Variants in AGBL1 observed in about 807,000 individuals in gnomAD.
AGBL1 encodes AGBL carboxypeptidase 1, also known as cytosolic carboxypeptidase 4.
A neutral mutation model predicts 118.9 loss-of-function variants in AGBL1; 130 were observed. The observed-to-expected ratio is 1.09, with a 90% CI of 0.95 to 1.26. The LOEUF is 1.26. AGBL1 is among the 50% of genes most tolerant of loss of function. AGBL1 has a pLI of 0.00. For missense variants in AGBL1, 1,584 were observed against 1,298.1 expected (o/e 1.22, Z -3.38); for synonymous variants, 555 against 478.9 (o/e 1.16, Z -2.08).
chr15:86,578,937 T>C (rs1281625634), intron 21 of AGBL1, among the ~76,000 whole-genome samples: 3 of 152,182 alleles, frequency 2.0e-5, no homozygotes, highest in Non-Finnish European at 4.4e-5. Context: ...TAGGCTAAAC[T>C]TAATTTAGCA....
intron 5 of AGBL1, among the ~76,000 whole-genome samples, chr15:86,224,519 C>A (rs957502004): frequency 6.6e-6 from 1 of 152,090 alleles, no homozygotes; most frequent in Admixed American, 6.6e-5. Flanking sequence ...CCCCCAAGCC[C>A]CACTCCTTCC....
At chr15:86,166,229 C>G (rs2077339668) in intron 5 of AGBL1, among the ~76,000 whole-genome samples, 1 of 152,148 alleles carries the variant, frequency 6.6e-6, no homozygotes, top group Non-Finnish European at 1.5e-5. Context: ...TGACAACATT[C>G]TATGTGCCTG....
At position 86,080,005 on chromosome 15, in the gene AGBL1, C is replaced by G. The variant is rs1895158436; in HGVS notation, c.33C>G (p.Val11=). The G allele has an allele frequency of 1.6e-6, 2 of 1,232,120 alleles. No individual in the cohort carries two copies. Among genetic ancestry groups the G allele is most frequent in the South Asian group, 4.1e-5 (1 of 24,320 alleles). The allele number at this position is 1,232,120 out of a possible 1,614,324, so 76.3% of individuals were successfully genotyped here. Residue 11 remains valine (V), a synonymous_variant, in exon 1 of 23, where the codon GTC becomes GTG. Coordinates refer to ENST00000614907, the MANE Select transcript of AGBL1 (RefSeq NM_001386094.1). MAEQEASGLQ[V]LLHTLQSSSD... is the part of the protein sequence containing the mutation. Reference sequence around the variant, plus strand: ...AACAAGAAGCTAGTGGGCTACAGGTCCTGCTGCACACGCTTCAGGTAGGAA... The same window carrying G: ...AACAAGAAGCTAGTGGGCTACAGGTGCTGCTGCACACGCTTCAGGTAGGAA...
At chr15:86,725,141 T>C (rs12595272) in intron 22 of AGBL1, among the ~76,000 whole-genome samples, 65,678 of 152,036 alleles carry the variant, frequency 0.43, 14,338 homozygotes, top group Non-Finnish European at 0.45. Context: ...GTTGAATAAA[T>C]GAATAAATAA....
At chr15:86,459,902 T>A (rs1296653916) in intron 18 of AGBL1, among the ~76,000 whole-genome samples, 1 of 152,138 alleles carries the variant, frequency 6.6e-6, no homozygotes, top group East Asian at 1.9e-4. Flanking sequence ...ATAGCTACAG[T>A]GACCAGTGAT....
intron 22 of AGBL1, among the ~76,000 whole-genome samples, chr15:86,756,174 T>C (rs1304403654): frequency 6.7e-6 from 1 of 149,676 alleles, no homozygotes; most frequent in Non-Finnish European, 1.5e-5. Flanking sequence ...CAAACAAATA[T>C]CTTGAAATAT....
At chr15:86,902,539 TTTA>T (rs1453593917) in intron 22 of AGBL1, among the ~76,000 whole-genome samples, 3 of 152,126 alleles carry the variant, frequency 2.0e-5, no homozygotes, top group African/African-American at 7.2e-5. Context: ...AAAATTTCTT[TTTA>T]TTATTTATGT....
At chr15:86,983,069 G>C (rs748385109) in intron 23 of AGBL1, among the ~76,000 whole-genome samples, 1 of 151,188 alleles carries the variant, frequency 6.6e-6, no homozygotes, top group Non-Finnish European at 1.5e-5. Context: ...TTTTTGTTTT[G>C]TTTTTGTTTT....
chr15:86,487,875 C>T (rs1011677338), intron 18 of AGBL1, among the ~76,000 whole-genome samples: 7 of 152,096 alleles, frequency 4.6e-5, no homozygotes, highest in Admixed American at 6.6e-5. Flanking sequence ...AATGGAACAT[C>T]GCTGAGAGAA....
chr15:86,614,621 C>T lies in AGBL1; in HGVS notation c.2995-59652C>T, dbSNP rs7167228. Among the ~76,000 whole-genome samples the T allele has an allele frequency of 6.8e-3, 1,032 of 152,288 alleles. 16 individuals carry two copies. The highest frequency in any genetic ancestry group is 0.023 in the African/African-American group (953 of 41,562). On this transcript the variant is annotated intron_variant, in intron 21 of 22. Transcript: ENST00000614907. ...CATGGCCAGTTTGAAGCTACTGTTA[C>T]TACATCACTGAATGTGATGTTAGGA...
At chr15:86,882,285 G>A (rs2063741713) in intron 22 of AGBL1, among the ~76,000 whole-genome samples, 1 of 152,182 alleles carries the variant, frequency 6.6e-6, no homozygotes, top group African/African-American at 2.4e-5. Context: ...TCCCATCGAT[G>A]TCATTTGCTG....
At chr15:86,998,338 G>C (rs1021706459) in intron 24 of AGBL1, among the ~76,000 whole-genome samples, 2 of 152,126 alleles carry the variant, frequency 1.3e-5, no homozygotes, top group African/African-American at 4.8e-5. Context: ...AGAGACTCAA[G>C]GGACAAGAAA....
chr15:86,312,017 C>G (rs1258061761), intron 17 of AGBL1: 1 of 152,202 alleles, frequency 6.6e-6, no homozygotes, highest in Non-Finnish European at 1.5e-5. Flanking sequence ...TGAATCCTAG[C>G]TATTTTTTCA....
At chr15:86,791,491 G>A (rs1367264460) in intron 22 of AGBL1, among the ~76,000 whole-genome samples, 1 of 152,130 alleles carries the variant, frequency 6.6e-6, no homozygotes, top group South Asian at 2.1e-4. Flanking sequence ...GGCCACAATG[G>A]CCTCAGTCTT....
intron 22 of AGBL1, among the ~76,000 whole-genome samples, chr15:86,893,452 G>C (rs1181172995): frequency 6.6e-6 from 1 of 152,122 alleles, no homozygotes; most frequent in Non-Finnish European, 1.5e-5. Flanking sequence ...TTCACTATAG[G>C]AAGCTGTCTT....
intron 18 of AGBL1, among the ~76,000 whole-genome samples, chr15:86,512,504 T>C (rs2083064386): frequency 6.6e-6 from 1 of 151,904 alleles, no homozygotes; most frequent in Non-Finnish European, 1.5e-5. Context: ...GTAATCTAAT[T>C]TTTTCCTTGG....
intron 21 of AGBL1, among the ~76,000 whole-genome samples, chr15:86,611,439 C>G (rs2084652170): frequency 6.6e-6 from 1 of 152,060 alleles, no homozygotes; most frequent in Admixed American, 6.6e-5. Flanking sequence ...TGAAACATCC[C>G]TTTAATGTTT....
chr15:86,345,343 G>A (rs1595994694), intron 17 of AGBL1, among the ~76,000 whole-genome samples: 1 of 152,234 alleles, frequency 6.6e-6, no homozygotes, highest in East Asian at 1.9e-4. Context: ...ACAGTTTGTG[G>A]CACCAATAGT....
intron 23 of AGBL1, among the ~76,000 whole-genome samples, chr15:86,986,442 T>G (rs1006607181): frequency 2.6e-5 from 4 of 152,214 alleles, no homozygotes; most frequent in Admixed American, 2.6e-4. Context: ...TGAAATCAGA[T>G]AGTCTTTCAA....
Sources: allele counts gnomAD v4.1 joint callset (sites outside exome capture counted in the v4.1 genomes callset), GRCh38; gene constraint gnomAD v4.1.1; transcripts MANE v1.5; gene names NCBI Gene and HGNC (gene_info 2026-07-23, HGNC 2026-07-21).